AGBL1: variants seen among roughly 807,000 people sequenced by gnomAD.
The protein encoded by AGBL1 is AGBL carboxypeptidase 1.
AGBL1 carries 130 observed loss-of-function variants against 118.9 expected under a neutral mutation model. That is an observed-to-expected ratio of 1.09 (90% CI 0.95 to 1.26). AGBL1 has a LOEUF of 1.26. AGBL1 is among the 50% of genes most tolerant of loss of function. The pLI is 0.00. For missense variants in AGBL1, 1,584 were observed against 1,298.1 expected, an observed-to-expected ratio of 1.22 and a Z score of -3.38; for synonymous variants, 555 against 478.9, an observed-to-expected ratio of 1.16 and a Z score of -2.08.
intron 22 of AGBL1, among the ~76,000 whole-genome samples, chr15:86,742,993 A>C (rs1377402389): frequency 6.6e-6 from 1 of 152,066 alleles, no homozygotes; most frequent in Non-Finnish European, 1.5e-5. Flanking sequence ...TTTATTCAAA[A>C]AATTTGTATT....
chr15:87,005,793 T>C (rs1341840020), intron 24 of AGBL1, among the ~76,000 whole-genome samples: 1 of 152,210 alleles, frequency 6.6e-6, no homozygotes, highest in African/African-American at 2.4e-5. Flanking sequence ...TTTTCAGTTT[T>C]TCTGCTCTGT....
intron 17 of AGBL1, among the ~76,000 whole-genome samples, chr15:86,309,623 T>C (rs2079890694): frequency 6.6e-6 from 1 of 152,236 alleles, no homozygotes; most frequent in East Asian, 1.9e-4. Flanking sequence ...CATGAAAGGA[T>C]ATTGAATTTT....
chr15:86,195,904 G>T (rs111404592), intron 5 of AGBL1, among the ~76,000 whole-genome samples: 5,556 of 152,152 alleles, frequency 0.037, 155 homozygotes, highest in African/African-American at 0.067. Context: ...AAGCTCTGCC[G>T]TGGGGGCGTC....
intron 5 of AGBL1, among the ~76,000 whole-genome samples, chr15:86,196,816 G>A (rs2077810834): frequency 6.6e-6 from 1 of 150,932 alleles, no homozygotes; most frequent in South Asian, 2.1e-4. Flanking sequence ...AAGAGAAAGA[G>A]ATTTTCCTTT....
chr15:86,224,707 G>T (rs112345911), intron 5 of AGBL1, among the ~76,000 whole-genome samples: 3 of 152,108 alleles, frequency 2.0e-5, no homozygotes, highest in African/African-American at 7.2e-5. Flanking sequence ...GGACCTCAGA[G>T]ACCCATCTAC....
At chr15:86,420,201 C>T (rs887028921) in intron 18 of AGBL1, among the ~76,000 whole-genome samples, 18 of 152,212 alleles carry the variant, frequency 1.2e-4, no homozygotes, top group Non-Finnish European at 1.6e-4. Context: ...TCGACAGACA[C>T]CTCACACAGG....
intron 18 of AGBL1, among the ~76,000 whole-genome samples, chr15:86,399,394 T>G (rs1378607971): frequency 6.6e-6 from 1 of 152,174 alleles, no homozygotes; most frequent in Non-Finnish European, 1.5e-5. Context: ...TTTGACATTT[T>G]CTCATCCAAG....
intron 9 of AGBL1, among the ~76,000 whole-genome samples, chr15:86,262,448 A>G (rs1009289648): frequency 2.3e-4 from 35 of 152,262 alleles, no homozygotes; most frequent in Non-Finnish European, 1.2e-4. Context: ...AATTACAATG[A>G]TGCTGACGAT....
chr15:86,207,932 A>G (rs1323946049), intron 5 of AGBL1, among the ~76,000 whole-genome samples: 3 of 152,160 alleles, frequency 2.0e-5, no homozygotes, highest in Non-Finnish European at 4.4e-5. Context: ...CCCATTCAGT[A>G]TGATATTGGC....
intron 15 of AGBL1, among the ~76,000 whole-genome samples, chr15:86,275,290 T>A (rs1286258854): frequency 1.3e-5 from 2 of 152,206 alleles, no homozygotes; most frequent in African/African-American, 4.8e-5. Flanking sequence ...CTCATGAAGA[T>A]GAATGTCATA....
At chr15:86,761,946 C>T (rs1416346708) in intron 22 of AGBL1, among the ~76,000 whole-genome samples, 1 of 151,986 alleles carries the variant, frequency 6.6e-6, no homozygotes, top group Admixed American at 6.6e-5. Flanking sequence ...AGATTTTCTT[C>T]TAGGGTTTTT....
At chr15:86,414,950 C>A (rs2081669762) in intron 18 of AGBL1, among the ~76,000 whole-genome samples, 1 of 152,136 alleles carries the variant, frequency 6.6e-6, no homozygotes, top group African/African-American at 2.4e-5. Context: ...GATACAGTCT[C>A]CAAGATGGAG....
intron 22 of AGBL1, among the ~76,000 whole-genome samples, chr15:86,795,318 C>A (rs16977990): frequency 2.1e-4 from 32 of 152,036 alleles, no homozygotes; most frequent in Admixed American, 1.4e-3. Context: ...ATCTGACAGC[C>A]GATCTTTTAT....
intron 22 of AGBL1, among the ~76,000 whole-genome samples, chr15:86,734,629 G>T (rs965287258): frequency 1.3e-5 from 2 of 152,112 alleles, no homozygotes; most frequent in Admixed American, 6.5e-5. Flanking sequence ...CTATGCTGTG[G>T]AGTCATTGTC....
intron 24 of AGBL1, among the ~76,000 whole-genome samples, chr15:87,016,957 G>A (rs968918736): frequency 6.6e-6 from 1 of 152,116 alleles, no homozygotes; most frequent in African/African-American, 2.4e-5. Flanking sequence ...TGCATACTGT[G>A]GCCCCAGGAT....
intron 24 of AGBL1, among the ~76,000 whole-genome samples, chr15:86,992,834 G>T (rs868089020): frequency 3.2e-4 from 48 of 151,900 alleles, no homozygotes; most frequent in African/African-American, 1.1e-3. Context: ...TAAAAGATAA[G>T]TTCAGTTCCT....
At chr15:86,417,888 G>C (rs1381672604) in intron 18 of AGBL1, among the ~76,000 whole-genome samples, 1 of 152,204 alleles carries the variant, frequency 6.6e-6, no homozygotes, top group Non-Finnish European at 1.5e-5. Flanking sequence ...AAGCTCTTTT[G>C]ATGGCCTAAT....
chr15:86,843,503 A>C (rs2079274908), intron 22 of AGBL1, among the ~76,000 whole-genome samples: 1 of 87,232 alleles, frequency 1.1e-5, no homozygotes, highest in Non-Finnish European at 2.4e-5. Flanking sequence ...AGGTTAACCA[A>C]ATCAAGACCC....
intron 22 of AGBL1, among the ~76,000 whole-genome samples, chr15:86,791,188 C>A (rs1046744942): frequency 2.0e-5 from 3 of 152,152 alleles, no homozygotes; most frequent in Non-Finnish European, 4.4e-5. Flanking sequence ...GATTGGATGA[C>A]CTGGTCACTT....
Sources: gnomAD v4.1 joint callset for allele counts (sites outside exome capture counted in the v4.1 genomes callset) on GRCh38, gnomAD v4.1.1 for gene constraint, MANE v1.5 for transcripts, NCBI Gene and HGNC (gene_info 2026-07-23, HGNC 2026-07-21) for gene names.